Variants in KATNAL2 observed in about 807,000 individuals in gnomAD.
The protein encoded by KATNAL2 is katanin p60 ATPase-containing subunit A-like 2.
A neutral mutation model predicts 76.3 loss-of-function variants in KATNAL2; 52 were observed. The ratio of observed to expected loss-of-function variants is 0.68; its 90% CI spans 0.55 to 0.86. The LOEUF (loss-of-function observed/expected upper bound fraction) is 0.86. Ranked by LOEUF, KATNAL2 falls within the 40% of genes least tolerant of loss-of-function variation. The probability of loss-of-function intolerance (pLI) is 0.00; values close to 1 mark genes in which losing one functional copy is unlikely to be tolerated. For synonymous variants in KATNAL2, 243 were observed against 244.2 expected (o/e 1.00, Z 0.05); for missense variants, 660 against 668.9 (o/e 0.99, Z 0.15).
At chr18:47,092,284 AG>A (rs1353912333) in intron 15 of KATNAL2, among the ~76,000 whole-genome samples, 1 of 152,296 alleles carries the variant, frequency 6.6e-6, no homozygotes, top group East Asian at 1.9e-4. Context: ...AGATCACTTG[AG>A]GTCAGGAGTT....
intron 8 of KATNAL2, among the ~76,000 whole-genome samples, chr18:47,060,017 G>C: frequency 6.9e-6 from 1 of 143,938 alleles, no homozygotes; most frequent in Admixed American, 6.9e-5. Flanking sequence ...TTTTTTAAGA[G>C]ACAGGGTCTT....
chr18:47,040,813 G>GT (rs1005136976), intron 3 of KATNAL2, among the ~76,000 whole-genome samples: 3 of 152,016 alleles, frequency 2.0e-5, no homozygotes, highest in Non-Finnish European at 4.4e-5. Context: ...ACCAAAATGT[G>GT]TTTTTTTCTC....
intron 3 of KATNAL2, among the ~76,000 whole-genome samples, chr18:47,031,329 A>G (rs549546418): frequency 7.5e-4 from 113 of 151,198 alleles, no homozygotes; most frequent in African/African-American, 2.6e-3. Context: ...TCCATTTGAA[A>G]TATGTATGTT....
intron 3 of KATNAL2, among the ~76,000 whole-genome samples, chr18:47,040,910 G>A (rs1286760115): frequency 6.6e-6 from 1 of 152,064 alleles, no homozygotes; most frequent in African/African-American, 2.4e-5. Flanking sequence ...AATCTATATT[G>A]AATACAATTT....
chr18:47,085,744 C>T (rs1282739056), intron 15 of KATNAL2, among the ~76,000 whole-genome samples: 3 of 152,022 alleles, frequency 2.0e-5, no homozygotes, highest in East Asian at 1.9e-4. Flanking sequence ...TCCCATGTGG[C>T]GTGGCCAGGC....
At chr18:47,033,629 C>A in intron 3 of KATNAL2, 2 of 1,614,194 alleles carry the variant, frequency 1.2e-6, no homozygotes, top group African/African-American at 2.7e-5. Flanking sequence ...TCTCCCACGT[C>A]GCTGAGGGCG....
In KATNAL2 at chr18:47,033,782, G is replaced by A. The variant is rs752829992; in HGVS notation, c.52-12675G>A. ...AAAGCAGCTTCCTCCCGGAACTTTG[G>A]TGAAGAGAGTGCTTCTGGCTTTGCC... On this transcript the variant is annotated intron_variant, in intron 3 of 17. Coordinates refer to ENST00000683218, the MANE Select transcript of KATNAL2 (RefSeq NM_001387690.1). 6 of 1,614,218 alleles carry A rather than the reference G, an allele frequency of 3.7e-6. No individual in the cohort carries two copies. The highest frequency in any genetic ancestry group is 5.1e-6 in the Non-Finnish European group (6 of 1,180,042).
chr18:47,065,991 T>C (rs1166372845), intron 10 of KATNAL2, among the ~76,000 whole-genome samples: 12 of 150,964 alleles, frequency 7.9e-5, no homozygotes, highest in Non-Finnish European at 1.5e-4. Context: ...AAATAAAAAT[T>C]TAAAAAATTT....
At chr18:47,085,061 A>G (rs2062713187) in intron 15 of KATNAL2, among the ~76,000 whole-genome samples, 1 of 151,860 alleles carries the variant, frequency 6.6e-6, no homozygotes, top group South Asian at 2.1e-4. Flanking sequence ...CCAGCTCCCT[A>G]TGCTGCATTC....
chr18:47,050,019 G>T (rs749435147), intron 4 of KATNAL2, among the ~76,000 whole-genome samples: 1 of 152,050 alleles, frequency 6.6e-6, no homozygotes, highest in African/African-American at 2.4e-5. Flanking sequence ...GGTGCGTGCC[G>T]CCATGGCTAC....
chr18:47,060,568 T>A (rs1315556060), intron 8 of KATNAL2, among the ~76,000 whole-genome samples: 1 of 152,236 alleles, frequency 6.6e-6, no homozygotes, highest in Non-Finnish European at 1.5e-5. Context: ...TGGAAATGAA[T>A]TGCACCATAT....
At chr18:47,090,019 C>T (rs1195365608) in intron 15 of KATNAL2, among the ~76,000 whole-genome samples, 1 of 152,222 alleles carries the variant, frequency 6.6e-6, no homozygotes, top group East Asian at 1.9e-4. Flanking sequence ...AACTCCTGGA[C>T]TCAAGTGATC....
In KATNAL2 at chr18:47,075,321, C is replaced by A. The variant is rs749739100; in HGVS notation, c.1053C>A (p.Phe351Leu). 1 of 1,560,710 alleles carries A rather than the reference C, an allele frequency of 6.4e-7. No individual in the cohort carries two copies. Reference sequence around the variant, plus strand: ...GCTACCACGCCCCATCCACGATCTTCCTGGACGAGCTGGAGTCGGTGATGA... The same window carrying A: ...GCTACCACGCCCCATCCACGATCTTACTGGACGAGCTGGAGTCGGTGATGA... ...LARYHAPSTIFLDELESVMSQ... is the reference protein window; with the variant it reads ...LARYHAPSTILLDELESVMSQ... The change falls in exon 14 of 18, where the codon TTC becomes TTA. Residue 351 changes from phenylalanine to leucine, a missense_variant. Transcript: ENST00000683218.
At chr18:47,063,892 C>G (rs1272352484) in intron 10 of KATNAL2, among the ~76,000 whole-genome samples, 1 of 152,208 alleles carries the variant, frequency 6.6e-6, no homozygotes, top group Non-Finnish European at 1.5e-5. Flanking sequence ...CCTTTGATTT[C>G]TAGATCCTTC....
intron 3 of KATNAL2, among the ~76,000 whole-genome samples, chr18:46,953,715 C>G (rs578157140): frequency 6.6e-6 from 1 of 152,002 alleles, no homozygotes; most frequent in Admixed American, 6.5e-5. Context: ...CGTGATCACA[C>G]CACTGTACTC....
chr18:46,950,032 T>C (rs72919218), intron 3 of KATNAL2, among the ~76,000 whole-genome samples: 1,684 of 152,322 alleles, frequency 0.011, 17 homozygotes, highest in Non-Finnish European at 0.017. Context: ...TCTGCCTCCA[T>C]GCTTTTCCTC....
At chr18:46,941,654 A>G (rs1367225653) in intron 1 of KATNAL2, among the ~76,000 whole-genome samples, 1 of 152,130 alleles carries the variant, frequency 6.6e-6, no homozygotes, top group Non-Finnish European at 1.5e-5. Flanking sequence ...TTGGGACTAT[A>G]GGTGTGTAAA....
At chr18:47,099,660 C>T (rs1228144084) in intron 16 of KATNAL2, among the ~76,000 whole-genome samples, 1 of 152,156 alleles carries the variant, frequency 6.6e-6, no homozygotes, top group Non-Finnish European at 1.5e-5. Flanking sequence ...CAAATCCTGG[C>T]CCTGCTGCTT....
chr18:46,941,731 T>C (rs910188550), intron 1 of KATNAL2, among the ~76,000 whole-genome samples: 9 of 152,248 alleles, frequency 5.9e-5, no homozygotes, highest in African/African-American at 2.2e-4. Context: ...TTAGAATGCC[T>C]AATATTATCC....
Sources: allele counts gnomAD v4.1 joint callset (sites outside exome capture counted in the v4.1 genomes callset), GRCh38; gene constraint gnomAD v4.1.1; transcripts MANE v1.5; gene names NCBI Gene and HGNC (gene_info 2026-07-23, HGNC 2026-07-21).